Variants in EEIG2 observed in about 807,000 individuals in gnomAD.
EEIG2 encodes EEIG family member 2, also known as family with sequence similarity 102 member B.
At chr1:108,580,945 T>C in the EEIG2 span, among the ~76,000 whole-genome samples, 4 of 152,230 alleles carry the variant, frequency 2.6e-5, no homozygotes, top group Non-Finnish European at 5.9e-5. Flanking sequence ...AACAGCCATC[T>C]AAGACTTTTG....
At chr1:108,595,562 G>A in the EEIG2 span, among the ~76,000 whole-genome samples, 29 of 138,722 alleles carry the variant, frequency 2.1e-4, no homozygotes, top group South Asian at 7.5e-3. Flanking sequence ...AGGGAGAGAG[G>A]GAGAGAGGGA....
At chr1:108,600,316 C>G in the EEIG2 span, among the ~76,000 whole-genome samples, 1,172 of 152,162 alleles carry the variant, frequency 7.7e-3, 13 homozygotes, top group African/African-American at 0.027. Flanking sequence ...AATGGTGTAG[C>G]CTAATGTATA....
the EEIG2 span, among the ~76,000 whole-genome samples, chr1:108,633,238 A>G: frequency 6.6e-6 from 1 of 152,062 alleles, no homozygotes; most frequent in Non-Finnish European, 1.5e-5. Flanking sequence ...GATAAATAAG[A>G]TCCTGAACTC....
the EEIG2 span, among the ~76,000 whole-genome samples, chr1:108,599,813 C>A: frequency 1.3e-5 from 2 of 152,172 alleles, no homozygotes; most frequent in African/African-American, 4.8e-5. Context: ...ACAACATAGC[C>A]AAACCCTGTC....
chr1:108,590,072 T>C, the EEIG2 span, among the ~76,000 whole-genome samples: 5 of 152,108 alleles, frequency 3.3e-5, no homozygotes, highest in Non-Finnish European at 7.4e-5. Flanking sequence ...CCTCAAAATA[T>C]CCAAAACTGG....
At chr1:108,588,068 ATTTATGTATATACATC>A in the EEIG2 span, among the ~76,000 whole-genome samples, 1 of 152,124 alleles carries the variant, frequency 6.6e-6, no homozygotes, top group Non-Finnish European at 1.5e-5. Flanking sequence ...ATAATATTCC[ATTTATGTATATACATC>A]CCACATTTTC....
the EEIG2 span, among the ~76,000 whole-genome samples, chr1:108,620,163 A>T: frequency 6.6e-6 from 1 of 152,226 alleles, no homozygotes. Context: ...GGAGGGCTTC[A>T]TTCTACCATT....
chr1:108,610,630 C>CT, the EEIG2 span, among the ~76,000 whole-genome samples: 1 of 152,072 alleles, frequency 6.6e-6, no homozygotes, highest in Non-Finnish European at 1.5e-5. Context: ...TTTTGCCCCT[C>CT]TAAGAGAGGC....
the EEIG2 span, among the ~76,000 whole-genome samples, chr1:108,572,488 C>T: frequency 1.3e-5 from 2 of 151,936 alleles, no homozygotes; most frequent in Non-Finnish European, 2.9e-5. Flanking sequence ...AGGGGGTCGG[C>T]AAGTATCTAA....
At chr1:108,573,323 A>G in the EEIG2 span, among the ~76,000 whole-genome samples, 1 of 152,250 alleles carries the variant, frequency 6.6e-6, no homozygotes, top group Non-Finnish European at 1.5e-5. Context: ...CGATTCATCC[A>G]AGACTTTTTC....
At chr1:108,582,092 G>A in the EEIG2 span, among the ~76,000 whole-genome samples, 1 of 152,180 alleles carries the variant, frequency 6.6e-6, no homozygotes, top group Non-Finnish European at 1.5e-5. Context: ...CTCACTGAAA[G>A]CTGAGATGAT....
the EEIG2 span, among the ~76,000 whole-genome samples, chr1:108,566,095 C>A: frequency 1.3e-5 from 2 of 152,076 alleles, no homozygotes; most frequent in Non-Finnish European, 2.9e-5. Context: ...TTTTTTACTT[C>A]ATGTATCTTT....
the EEIG2 span, among the ~76,000 whole-genome samples, chr1:108,567,685 A>G: frequency 6.6e-6 from 1 of 152,200 alleles, no homozygotes; most frequent in Non-Finnish European, 1.5e-5. Flanking sequence ...CCCTGAGGCA[A>G]TTGTATATGA....
chr1:108,611,686 T>C, the EEIG2 span, among the ~76,000 whole-genome samples: 1 of 152,222 alleles, frequency 6.6e-6, no homozygotes. Flanking sequence ...AAGTGAAAAC[T>C]TAATAACCTG....
chr1:108,637,136 G>A, the EEIG2 span: 6 of 152,018 alleles, frequency 3.9e-5, no homozygotes, highest in Non-Finnish European at 2.9e-5. Context: ...TATTTTAAAT[G>A]GTACAGAATT....
the EEIG2 span, among the ~76,000 whole-genome samples, chr1:108,607,178 A>T: frequency 6.6e-6 from 1 of 152,194 alleles, no homozygotes; most frequent in African/African-American, 2.4e-5. Context: ...TTCTCTTTCC[A>T]TTCTGCCATT....
chr1:108,560,410 C>T, the EEIG2 span: 4 of 1,568,622 alleles, frequency 2.6e-6, no homozygotes, highest in South Asian at 1.1e-5. Context: ...GCCCAGCTTG[C>T]AGGCGCCTGG....
the EEIG2 span, among the ~76,000 whole-genome samples, chr1:108,593,022 GT>G: frequency 2.6e-5 from 4 of 152,056 alleles, no homozygotes; most frequent in Non-Finnish European, 4.4e-5. Flanking sequence ...GCTAGGCATG[GT>G]GGCACACACC....
the EEIG2 span, among the ~76,000 whole-genome samples, chr1:108,594,158 A>G: frequency 2.4e-4 from 36 of 152,232 alleles, no homozygotes; most frequent in East Asian, 6.6e-3. Flanking sequence ...AGTTAAGTCC[A>G]TCAGAGTAAA....
Sources: allele counts gnomAD v4.1 joint callset (sites outside exome capture counted in the v4.1 genomes callset), GRCh38; gene constraint gnomAD v4.1.1; transcripts MANE v1.5; gene names NCBI Gene and HGNC (gene_info 2026-07-23, HGNC 2026-07-21).